The following NEB variants were observed in gnomAD, a reference collection of about 807,000 sequenced individuals.
NEB encodes nemaline myopathy type 2.
NEB carries 512 observed loss-of-function variants against 952.2 expected under a neutral mutation model. That is an observed-to-expected ratio of 0.54 (90% CI 0.50 to 0.58). NEB has a LOEUF of 0.58. Ranked by LOEUF, NEB falls within the 20% of genes least tolerant of loss-of-function variation. The pLI is 0.00. For synonymous variants in NEB, 2,900 were observed against 3,149.8 expected (o/e 0.92, Z 2.66); for missense variants, 8,428 against 9,231.1 (o/e 0.91, Z 3.56).
intron 43 of NEB, 44 bp downstream of exon 43, chr2:151,664,715 C>T (rs1433794551): frequency 6.5e-7 from 1 of 1,547,308 alleles, no homozygotes; most frequent in Non-Finnish European, 8.9e-7. Context: ...GTATCAGTTC[C>T]CTTTAACCTT....
Position 151,567,253 on chromosome 2 carries a change from T to C in NEB, c.18071A>G (p.Tyr6024Cys). The change falls in exon 114 of 182, where the codon TAT (tyrosine) becomes TGT (cysteine). Residue 6024 changes from tyrosine to cysteine, a missense_variant. Tyr to Cys is a radical substitution (Grantham distance 194, BLOSUM62 -2). Around this residue, in one of 11 missense-constraint regions of NEB, gnomAD observed 3,374 missense variants for 3,651.5 expected, o/e 0.92. Transcript: ENST00000397345. ...CATCCATTGGTGCAAGTAATTACGA[T>C]AATCAATATCACTGACAAGGGTCTG... ...QGQTLVSDID[Y>C]RNYLHQWMCH... 2 of 1,613,924 alleles carry C rather than the reference T, an allele frequency of 1.2e-6. No individual in the cohort carries two copies. The highest frequency in any genetic ancestry group is 1.7e-6 in the Non-Finnish European group (2 of 1,179,822).
At position 151,553,971 on chromosome 2, in the gene NEB, C is replaced by T. The variant is rs748977335; in HGVS notation, c.19483G>A (p.Asp6495Asn). ...TTGGCAGTAACCATCTCTACCATGT[C>T]GGGCACGATGTGGATTTTCATCTTG... ...KNKMKIHIVP[D>N]MVEMVTAKDS... Residue 6495 changes from aspartate (D) to asparagine (N), a missense_variant, in exon 126 of 182, where the codon GAC becomes AAC. Transcript: ENST00000397345. 20 of 1,613,694 alleles carry T rather than the reference C, an allele frequency of 1.2e-5. No individual in the cohort carries two copies. The highest frequency in any genetic ancestry group is 1.6e-4 in the Middle Eastern group (1 of 6,082).
At chr2:151,563,985 C>T in intron 117 of NEB, 55 bp from the exon 118 acceptor site, 1 of 1,287,316 alleles carries the variant, frequency 7.8e-7, no homozygotes, top group Non-Finnish European at 1.1e-6. Context: ...CTTTCAGATA[C>T]CACTAAAACA....
intron 157 of NEB, 72 bp from the exon 158 acceptor site, chr2:151,515,000 G>T: frequency 1.2e-6 from 1 of 837,122 alleles, no homozygotes; most frequent in Non-Finnish European, 1.8e-6. Flanking sequence ...ATCTCAGGAA[G>T]AAAAAAAAAA....
intron 71 of NEB, among the ~76,000 whole-genome samples, chr2:151,623,577 T>C (rs1413643298): frequency 6.6e-6 from 1 of 152,164 alleles, no homozygotes; most frequent in African/African-American, 2.4e-5. Context: ...GACTTAAGAC[T>C]CTTACAGGGT....
chr2:151,539,885 C>A (rs189798513), intron 138 of NEB, among the ~76,000 whole-genome samples: 1 of 152,168 alleles, frequency 6.6e-6, no homozygotes, highest in African/African-American at 2.4e-5. Context: ...GACACTTATA[C>A]ATTATCTTGT....
chr2:151,570,143 T>C lies in NEB; in HGVS notation c.17368A>G (p.Thr5790Ala). The change falls in exon 109 of 182, where the codon ACC becomes GCC. Residue 5790 changes from threonine (T) to alanine (A), a missense_variant. Thr to Ala is a moderately conservative substitution (Grantham distance 58, BLOSUM62 0). Transcript: ENST00000397345. ...MDYRNYLHQWTCMPDQNDVIQ... is the reference protein window; with the variant it reads ...MDYRNYLHQWACMPDQNDVIQ... ...ACATCGTTCTGGTCGGGCATGCAGG[T>C]CCACTGGTGCAGGTAATTGCGGTAA... 6.2e-7 allele frequency: 1 copy of C among 1,613,334 alleles called. No homozygotes were observed. The highest frequency in any genetic ancestry group is 1.3e-5 in the African/African-American group (1 of 75,050).
intron 173 of NEB, among the ~76,000 whole-genome samples, chr2:151,495,923 C>T (rs2059866380): frequency 6.6e-6 from 1 of 152,078 alleles, no homozygotes; most frequent in Non-Finnish European, 1.5e-5. Flanking sequence ...TAAGAAAGAG[C>T]CGCATTGGAC....
chr2:151,546,557 C>CTTTTTT (rs11436330), intron 133 of NEB, 114 bp from the exon 134 acceptor site: 4 of 352,274 alleles, frequency 1.1e-5, no homozygotes, highest in South Asian at 7.9e-5. Context: ...GGTTCATCTA[C>CTTTTTT]TTTTTTTTTT....
intron 161 of NEB, among the ~76,000 whole-genome samples, chr2:151,509,416 A>G (rs1015654427): frequency 6.6e-6 from 1 of 152,170 alleles, no homozygotes; most frequent in African/African-American, 2.4e-5. Flanking sequence ...TTCCAAGATT[A>G]AGCAAAAGCT....
chr2:151,531,182 T>C, intron 144 of NEB, 81 bp from the exon 145 acceptor site: 1 of 895,532 alleles, frequency 1.1e-6, no homozygotes, highest in Non-Finnish European at 1.8e-6. Context: ...AGTTTTTTCC[T>C]GAGTGAATAT....
At position 151,627,594 on chromosome 2, in the gene NEB, G is replaced by A; in HGVS notation, c.10072C>T (p.His3358Tyr). Reference protein sequence around the residue: ...VSDVDYKNYLHEWTCLPDQND... With the variant: ...VSDVDYKNYLYEWTCLPDQND... ...TGGTCGGGCAGGCACGTCCACTCGT[G>A]CAGGTAGTTCTTGTAGTCCACATCG... Residue 3358 changes from histidine to tyrosine, a missense_variant, in exon 69 of 182, where the codon CAC becomes TAC. This residue lies in a region of NEB where 1,772 missense variants were observed against 1,960.3 expected (regional missense o/e 0.90). Transcript: ENST00000397345. 2 of 1,614,022 alleles carry A rather than the reference G, an allele frequency of 1.2e-6. No individual in the cohort carries two copies. Among genetic ancestry groups the A allele is most frequent in the Non-Finnish European group, 1.7e-6 (2 of 1,179,894 alleles).
At chr2:151,691,026 G>A (rs2099545564) in intron 23 of NEB, among the ~76,000 whole-genome samples, 1 of 151,426 alleles carries the variant, frequency 6.6e-6, no homozygotes, top group South Asian at 2.1e-4. Context: ...GTTGCCTCTG[G>A]TCTGCCTACA....
At chr2:151,642,707 G>T in intron 59 of NEB, 26 bp from the exon 60 acceptor site, 40 of 1,609,972 alleles carry the variant, frequency 2.5e-5, no homozygotes, top group Non-Finnish European at 3.4e-5. Flanking sequence ...ATAGTAAGTT[G>T]GATTTATAAA....
intron 165 of NEB, among the ~76,000 whole-genome samples, chr2:151,504,208 G>A (rs78711592): frequency 0.015 from 2,257 of 152,172 alleles, 78 homozygotes; most frequent in East Asian, 0.14. Context: ...CATGGCGTGG[G>A]GAGCAACGTA....
At chr2:151,659,283 T>G in intron 46 of NEB, 114 bp from the exon 47 acceptor site, 1 of 580,102 alleles carries the variant, frequency 1.7e-6, no homozygotes, top group Non-Finnish European at 3.0e-6. Context: ...TAGCTAGGTT[T>G]AAATTAATTA....
At chr2:151,729,560 A>C in intron 4 of NEB, 55 bp downstream of exon 4, 1 of 1,585,798 alleles carries the variant, frequency 6.3e-7, no homozygotes, top group East Asian at 2.2e-5. Flanking sequence ...GAAAGGAGAA[A>C]GCTCTTCCTG....
chr2:151,648,479 C>T (rs1358920631), intron 54 of NEB, among the ~76,000 whole-genome samples: 1 of 152,124 alleles, frequency 6.6e-6, no homozygotes, highest in East Asian at 1.9e-4. Context: ...TTCATGGGGG[C>T]ACAAGAGCAA....
chr2:151,565,501 A>C lies in NEB; in HGVS notation c.18366T>G (p.Asp6122Glu). Residue 6122 changes from aspartate to glutamate, a missense_variant and splice_region_variant, in exon 116 of 182, where the codon GAT (aspartate) becomes GAG (glutamate). Physicochemically the swap from Asp to Glu is conservative, Grantham distance 45. Transcript: ENST00000397345. ...TTCAGCATGCACAAAGCAAACTTACATCACTTTGATTGACAGAATTAATCT... is the reference window on the plus strand; with the variant it reads ...TTCAGCATGCACAAAGCAAACTTACCTCACTTTGATTGACAGAATTAATCT... ...LAKINSVNQSDVKYKETFNKA... is the reference protein window; with the variant it reads ...LAKINSVNQSEVKYKETFNKA... The C allele has an allele frequency of 6.4e-7, 1 of 1,570,526 alleles. No homozygotes were observed. The highest frequency in any genetic ancestry group is 8.7e-7 in the Non-Finnish European group (1 of 1,144,446).
Sources: gnomAD v4.1 joint callset for allele counts (sites outside exome capture counted in the v4.1 genomes callset) on GRCh38, gnomAD v4.1.1 for gene constraint, gnomAD v4.1.1 regional missense constraint, MANE v1.5 for transcripts, NCBI Gene and HGNC (gene_info 2026-07-23, HGNC 2026-07-21) for gene names.